Variants in SGCD observed in about 807,000 individuals in gnomAD.
SGCD encodes delta-sarcoglycan.
SGCD carries 18 observed loss-of-function variants against 36.6 expected under a neutral mutation model. The observed-to-expected ratio is 0.49, with a 90% CI of 0.34 to 0.73. The LOEUF (loss-of-function observed/expected upper bound fraction) is 0.73. Ranked by LOEUF, SGCD falls within the 30% of genes least tolerant of loss-of-function variation. The pLI, the probability that SGCD is intolerant of heterozygous loss-of-function variation, is 0.01. For missense variants in SGCD, 387 were observed against 346.7 expected (o/e 1.12, Z -0.92); for synonymous variants, 133 against 130.6 (o/e 1.02, Z -0.12).
chr5:156,252,567 C>T (rs564027930), intron 3 of SGCD, among the ~76,000 whole-genome samples: 130 of 152,216 alleles, frequency 8.5e-4, no homozygotes, highest in African/African-American at 2.9e-3. Context: ...GAATTCCTTT[C>T]GGACTGTTTA....
intron 3 of SGCD, among the ~76,000 whole-genome samples, chr5:156,487,813 A>AAAAAAAAAGAAAG (rs1554107842): frequency 2.6e-5 from 2 of 77,794 alleles, no homozygotes; most frequent in African/African-American, 4.4e-5. Context: ...AAAAAAAAAA[A>AAAAAAAAAGAAAG]AAAGAAAGAA....
At chr5:156,420,140 A>G (rs1354211221) in intron 3 of SGCD, among the ~76,000 whole-genome samples, 1 of 152,086 alleles carries the variant, frequency 6.6e-6, no homozygotes, top group African/African-American at 2.4e-5. Context: ...CATCAACTTT[A>G]CCATTTATTT....
At chr5:156,546,270 A>G (rs1300566789) in intron 4 of SGCD, among the ~76,000 whole-genome samples, 4 of 152,226 alleles carry the variant, frequency 2.6e-5, no homozygotes, top group Non-Finnish European at 5.9e-5. Flanking sequence ...AATTATAAAG[A>G]GATATTATCT....
intron 3 of SGCD, among the ~76,000 whole-genome samples, chr5:156,285,824 G>A (rs1457234471): frequency 1.3e-5 from 2 of 152,074 alleles, no homozygotes; most frequent in African/African-American, 2.4e-5. Flanking sequence ...ATTGACAAAT[G>A]GGATCTAATT....
chr5:156,105,892 A>G (rs769192096), intron 1 of SGCD, among the ~76,000 whole-genome samples: 1 of 151,690 alleles, frequency 6.6e-6, no homozygotes, highest in Non-Finnish European at 1.5e-5. Context: ...GCGGGTGGAT[A>G]ACGAGATCAG....
At chr5:156,005,497 C>T (rs193076845) in intron 1 of SGCD, among the ~76,000 whole-genome samples, 56 of 152,222 alleles carry the variant, frequency 3.7e-4, no homozygotes, top group African/African-American at 1.3e-3. Context: ...GTCGCCCAGG[C>T]TGGAGTGCAG....
intron 3 of SGCD, among the ~76,000 whole-genome samples, chr5:156,277,271 G>A (rs1055654812): frequency 3.9e-5 from 6 of 152,096 alleles, no homozygotes; most frequent in Non-Finnish European, 8.8e-5. Context: ...ACCTTCCCCT[G>A]CCTCTTCCTT....
chr5:156,087,640 CAAAA>C (rs146938753), intron 1 of SGCD, among the ~76,000 whole-genome samples: 1 of 79,874 alleles, frequency 1.3e-5, no homozygotes. Flanking sequence ...AACTCCATCT[CAAAA>C]AAAAAAAAAA....
At chr5:156,227,037 A>T (rs1449928923) in intron 3 of SGCD, among the ~76,000 whole-genome samples, 3 of 151,250 alleles carry the variant, frequency 2.0e-5, no homozygotes, top group African/African-American at 7.3e-5. Context: ...ACTTTCTCCC[A>T]CTCTGTGGGT....
At chr5:156,757,560 A>G (rs1432701295) in intron 7 of SGCD, 21 bp from the exon 8 acceptor site, 1 of 1,463,544 alleles carries the variant, frequency 6.8e-7, no homozygotes. Context: ...ATCTTTATTG[A>G]CGATCTTGGG....
chr5:156,606,710 TC>T, intron 6 of SGCD, among the ~76,000 whole-genome samples: 1 of 152,322 alleles, frequency 6.6e-6, no homozygotes, highest in East Asian at 1.9e-4. Context: ...CTTTGTATCC[TC>T]TTTTATTTCA....
chr5:155,845,992 A>C, the SGCD span, among the ~76,000 whole-genome samples: 117 of 152,254 alleles, frequency 7.7e-4, no homozygotes, highest in African/African-American at 2.7e-3. Flanking sequence ...TGTAAACTTG[A>C]GAAGAAAGGA....
chr5:156,657,728 A>C (rs147682890), intron 7 of SGCD, among the ~76,000 whole-genome samples: 4,120 of 151,946 alleles, frequency 0.027, 175 homozygotes, highest in African/African-American at 0.093. Flanking sequence ...TTGCCCCTAC[A>C]CACCTGTGGG....
At chr5:155,791,813 T>C in the SGCD span, among the ~76,000 whole-genome samples, 1 of 152,124 alleles carries the variant, frequency 6.6e-6, no homozygotes, top group African/African-American at 2.4e-5. Flanking sequence ...GAGTCAGTAT[T>C]AATAAAATGG....
chr5:155,910,476 C>T (rs1301087655), intron 1 of SGCD, among the ~76,000 whole-genome samples: 1 of 151,872 alleles, frequency 6.6e-6, no homozygotes, highest in African/African-American at 2.4e-5. Flanking sequence ...GGCTTTGGTC[C>T]CAAGAAGGTC....
At chr5:155,975,292 C>T (rs768450250) in intron 1 of SGCD, among the ~76,000 whole-genome samples, 1 of 152,114 alleles carries the variant, frequency 6.6e-6, no homozygotes, top group Non-Finnish European at 1.5e-5. Context: ...AATAACTTGC[C>T]TAACACAATG....
intron 1 of SGCD, among the ~76,000 whole-genome samples, chr5:155,919,578 CG>C (rs1554104399): frequency 6.6e-6 from 1 of 152,080 alleles, no homozygotes; most frequent in Non-Finnish European, 1.5e-5. Context: ...AAACAAAATG[CG>C]GCTATATTTT....
chr5:155,729,294 A>C, the SGCD span, among the ~76,000 whole-genome samples: 2 of 152,344 alleles, frequency 1.3e-5, no homozygotes, highest in East Asian at 3.9e-4. Flanking sequence ...AGCTCCCAGC[A>C]TAAGCGCTTA....
intron 3 of SGCD, among the ~76,000 whole-genome samples, chr5:156,259,144 T>TTATTTATG (rs1206556144): frequency 1.3e-5 from 2 of 151,216 alleles, no homozygotes; most frequent in Non-Finnish European, 3.0e-5. Flanking sequence ...ATTTATTTAT[T>TTATTTATG]TATTTATTTT....
Sources: gnomAD v4.1 joint callset for allele counts (sites outside exome capture counted in the v4.1 genomes callset) on GRCh38, gnomAD v4.1.1 for gene constraint, MANE v1.5 for transcripts, NCBI Gene and HGNC (gene_info 2026-07-23, HGNC 2026-07-21) for gene names.